CHRNB3: variants seen among roughly 807,000 people sequenced by gnomAD.
The protein encoded by CHRNB3 is cholinergic receptor nicotinic beta 3 subunit, also known as neuronal acetylcholine receptor subunit beta-3.
CHRNB3 carries 37 observed loss-of-function variants against 40.6 expected under a neutral mutation model. The ratio of observed to expected loss-of-function variants is 0.91; its 90% confidence interval spans 0.70 to 1.20. The LOEUF is 1.20. Ranked by LOEUF, CHRNB3 falls within the 50% of genes most tolerant of loss-of-function variation. The pLI is 0.00. For missense variants in CHRNB3, 505 were observed against 551.2 expected (o/e 0.92, Z 0.84); for synonymous variants, 207 against 207.1 (o/e 1.00, Z 0.00).
At chr8:42,719,870 G>A (rs960732559) in intron 3 of CHRNB3, among the ~76,000 whole-genome samples, 1 of 152,092 alleles carries the variant, frequency 6.6e-6, no homozygotes, top group African/African-American at 2.4e-5. Flanking sequence ...AGTCCAGTGT[G>A]CTTTCTCTTT....
At chr8:42,736,111 C>A (rs1453290126) in intron 5 of CHRNB3, among the ~76,000 whole-genome samples, 1 of 152,174 alleles carries the variant, frequency 6.6e-6, no homozygotes, top group Non-Finnish European at 1.5e-5. Context: ...GTGATCCCCC[C>A]ACCCCCAGGC....
At chr8:42,715,569 T>C (rs1306577135) in intron 3 of CHRNB3, among the ~76,000 whole-genome samples, 1 of 152,142 alleles carries the variant, frequency 6.6e-6, no homozygotes, top group Non-Finnish European at 1.5e-5. Context: ...CAAAAGCATG[T>C]TCCATGGTAG....
At chr8:42,734,459 A>C (rs55828312) in intron 5 of CHRNB3, among the ~76,000 whole-genome samples, 1 of 145,046 alleles carries the variant, frequency 6.9e-6, no homozygotes. Flanking sequence ...TCGCTCTGTC[A>C]CCGAGGCTGT....
intron 3 of CHRNB3, 142 bp downstream of exon 3, chr8:42,710,576 T>C (rs1312755096): frequency 1.5e-6 from 1 of 677,840 alleles, no homozygotes; most frequent in Non-Finnish European, 2.4e-6. Flanking sequence ...TGGCTTTTAT[T>C]TTCTGTTGTG....
intron 5 of CHRNB3, among the ~76,000 whole-genome samples, chr8:42,733,562 G>A (rs926257106): frequency 6.0e-5 from 9 of 149,922 alleles, no homozygotes; most frequent in South Asian, 2.1e-4. Flanking sequence ...GTGAATTCTC[G>A]CCTTTCTAAT....
intron 1 of CHRNB3, among the ~76,000 whole-genome samples, chr8:42,704,190 G>A (rs1815878673): frequency 6.6e-6 from 1 of 152,208 alleles, no homozygotes; most frequent in African/African-American, 2.4e-5. Context: ...CTGCCTTCTT[G>A]CTGTGTCCTC....
intron 3 of CHRNB3, among the ~76,000 whole-genome samples, chr8:42,714,205 G>A (rs1026672833): frequency 2.0e-5 from 3 of 152,142 alleles, no homozygotes; most frequent in East Asian, 1.9e-4. Context: ...TTTTTAAAAA[G>A]AGCTTTTTGG....
At chr8:42,713,919 T>C (rs537832194) in intron 3 of CHRNB3, among the ~76,000 whole-genome samples, 60 of 152,124 alleles carry the variant, frequency 3.9e-4, no homozygotes, top group Admixed American at 2.0e-3. Flanking sequence ...TCCTGAACAC[T>C]AAGCCCTGCT....
At chr8:42,723,296 T>C (rs1031536067) in intron 3 of CHRNB3, among the ~76,000 whole-genome samples, 2 of 152,162 alleles carry the variant, frequency 1.3e-5, no homozygotes, top group African/African-American at 4.8e-5. Context: ...ACAGGTGTTT[T>C]GCTATTAAGG....
rs1816325337 is a variant in CHRNB3 at position 42,727,157 on chromosome 8, G to A, written c.250-3437G>A. Among the ~76,000 whole-genome samples the A allele has an allele frequency of 2.0e-5, 3 of 152,258 alleles. No homozygotes were observed. The South Asian group carries it at 6.2e-4, about 32-fold the overall frequency. ...GGAGGCCAAGGTGGCTGGATCACTT[G>A]AGGTCAGGAGTTCGAGACCAGCCTG... On this transcript the variant is annotated intron_variant, in intron 3 of 5. Coordinates refer to ENST00000289957, the MANE Select transcript of CHRNB3 (RefSeq NM_000749.5).
chr8:42,736,336 G>C (rs1208150996), intron 5 of CHRNB3, 148 bp from the exon 6 acceptor site: 1 of 924,580 alleles, frequency 1.1e-6, no homozygotes, highest in Non-Finnish European at 1.7e-6. Flanking sequence ...AAGAACCTGA[G>C]CCTGTAGTGT....
At position 42,710,510 on chromosome 8, in the gene CHRNB3, A is replaced by G. The variant is rs1486968716; in HGVS notation, c.249+76A>G. The G allele has an allele frequency of 4.1e-5, 48 of 1,177,808 alleles. No homozygotes were observed. In the South Asian group the frequency reaches 5.4e-4, roughly 13 times the overall value. The allele number at this position is 1,177,808 out of a possible 1,614,324, so 73.0% of individuals were successfully genotyped here. A position where few individuals can be genotyped will look rare whatever the true frequency, so the allele number is the denominator to read the frequency against. On this transcript the variant is annotated intron_variant, in intron 3 of 5. Coordinates refer to ENST00000289957, the MANE Select transcript of CHRNB3 (RefSeq NM_000749.5). Reference sequence around the variant, plus strand: ...ATTTATAAAGGCTCCTATCTGAAAAACAATTATTTAAGAGGGCATATTGTG... The same window carrying G: ...ATTTATAAAGGCTCCTATCTGAAAAGCAATTATTTAAGAGGGCATATTGTG...
At position 42,721,230 on chromosome 8, in the gene CHRNB3, G is replaced by C. The variant is rs553500904; in HGVS notation, c.250-9364G>C. 1.1e-4 allele frequency among the ~76,000 whole-genome samples: 17 copies of C among 152,354 alleles called. 1 individual carries two copies. In the South Asian group the frequency reaches 3.5e-3, roughly 32 times the overall value. On this transcript the variant is annotated intron_variant, in intron 3 of 5. Transcript: ENST00000289957. ...TCACATAAACTAACACTAGCAAAAA[G>C]AGAACTTATTAGCTTTCACAATCGG...
Position 42,736,742 on chromosome 8 carries a change from C to T in CHRNB3, c.*124C>T. 1 of 1,147,368 alleles carries T rather than the reference C, an allele frequency of 8.7e-7. No homozygotes were observed. The highest frequency in any genetic ancestry group is 1.3e-6 in the Non-Finnish European group (1 of 788,196). The allele number at this position is 1,147,368 out of a possible 1,614,324, so 71.1% of individuals were successfully genotyped here. ...ATGCGTTGTCTTTGTGGAAATGGAACATCTCCTCATGGGAGAAACTCTGGT... is the reference window on the plus strand; with the variant it reads ...ATGCGTTGTCTTTGTGGAAATGGAATATCTCCTCATGGGAGAAACTCTGGT... On this transcript the variant is annotated 3_prime_UTR_variant, in exon 6 of 6. Coordinates refer to ENST00000289957, the MANE Select transcript of CHRNB3 (RefSeq NM_000749.5).
In CHRNB3 at chr8:42,730,615, C is replaced by T. The variant is rs781157626; in HGVS notation, c.271C>T (p.Arg91Cys). ...GCAGGAATGGACAGACCACAAGTTA[C>T]GCTGGAATCCTGATGATTATGGTGG... ...LKQEWTDHKL[R>C]WNPDDYGGIH... Residue 91 changes from arginine to cysteine, a missense_variant, in exon 4 of 6, where the codon CGC becomes TGC. Arg to Cys is a radical substitution (Grantham distance 180, BLOSUM62 -3). Coordinates refer to ENST00000289957, the MANE Select transcript of CHRNB3 (RefSeq NM_000749.5). 40 of 1,603,916 alleles carry T rather than the reference C, an allele frequency of 2.5e-5. No homozygotes were observed. In the Middle Eastern group the frequency reaches 8.3e-4, roughly 33 times the overall value.
At position 42,735,260 on chromosome 8, in the gene CHRNB3, G is replaced by C. The variant is rs369917344; in HGVS notation, c.1243-1224G>C. Among the ~76,000 whole-genome samples, 57 of 149,132 alleles carry C rather than the reference G, an allele frequency of 3.8e-4. 1 individual carries two copies. In the East Asian group the frequency reaches 0.012, roughly 30 times the overall value. ...AAACAAAAAAACACTAATACAGGCC[G>C]GGTGTGGTGGCTCACGCCTGTAATC... On this transcript the variant is annotated intron_variant, in intron 5 of 5. Transcript: ENST00000289957.
chr8:42,710,111 C>T (rs2128905545), intron 2 of CHRNB3, among the ~76,000 whole-genome samples: 1 of 152,214 alleles, frequency 6.6e-6, no homozygotes, highest in Non-Finnish European at 1.5e-5. Flanking sequence ...GAATCTTTTG[C>T]ACTTTTAACA....
intron 2 of CHRNB3, among the ~76,000 whole-genome samples, chr8:42,709,828 C>T (rs986369101): frequency 4.6e-5 from 7 of 152,038 alleles, no homozygotes; most frequent in African/African-American, 1.4e-4. Context: ...GACGGGGTTT[C>T]GCCATGTTGG....
chr8:42,726,479 A>G (rs1242407946), intron 3 of CHRNB3, among the ~76,000 whole-genome samples: 1 of 95,726 alleles, frequency 1.0e-5, no homozygotes, highest in Non-Finnish European at 2.1e-5. Context: ...AAATTAAATG[A>G]CTTTTTTTTT....
Sources: allele counts gnomAD v4.1 joint callset (sites outside exome capture counted in the v4.1 genomes callset), GRCh38; gene constraint gnomAD v4.1.1; transcripts MANE v1.5; gene names NCBI Gene and HGNC (gene_info 2026-07-23, HGNC 2026-07-21).